GAB1: variants seen among roughly 807,000 people sequenced by gnomAD.
GAB1 encodes GRB2 associated binding protein 1.
A neutral mutation model predicts 66.5 loss-of-function variants in GAB1; 19 were observed. The ratio of observed to expected loss-of-function variants is 0.29; its 90% CI spans 0.20 to 0.42. The LOEUF (loss-of-function observed/expected upper bound fraction) is 0.42. GAB1 is among the 10% of genes least tolerant of loss of function. GAB1 has a pLI of 1.00. For synonymous variants in GAB1, 294 were observed against 301.4 expected (o/e 0.98, Z 0.25); for missense variants, 732 against 858.5 (o/e 0.85, Z 1.84).
intron 1 of GAB1, among the ~76,000 whole-genome samples, chr4:143,415,052 C>G (rs2149717341): frequency 6.6e-6 from 1 of 152,276 alleles, no homozygotes; most frequent in East Asian, 1.9e-4. Flanking sequence ...CTTGAACTAC[C>G]TCATATAAGT....
chr4:143,446,162 A>T (rs943557515), intron 6 of GAB1, among the ~76,000 whole-genome samples: 2 of 152,066 alleles, frequency 1.3e-5, no homozygotes, highest in South Asian at 4.2e-4. Context: ...CATGGTGTAT[A>T]TGTGCCACAT....
intron 1 of GAB1, among the ~76,000 whole-genome samples, chr4:143,379,146 T>C (rs144467754): frequency 6.6e-6 from 1 of 152,332 alleles, no homozygotes; most frequent in African/African-American, 2.4e-5. Flanking sequence ...TTCAGAGTTA[T>C]ATATGTAACA....
intron 2 of GAB1, among the ~76,000 whole-genome samples, chr4:143,419,191 G>A (rs2149723529): frequency 6.6e-6 from 1 of 152,000 alleles, no homozygotes; most frequent in East Asian, 1.9e-4. Flanking sequence ...ATATACATAT[G>A]TATATATAAA....
At chr4:143,446,061 G>C (rs534648418) in intron 6 of GAB1, among the ~76,000 whole-genome samples, 1 of 151,916 alleles carries the variant, frequency 6.6e-6, no homozygotes, top group Admixed American at 6.6e-5. Flanking sequence ...TTTTGTCCTT[G>C]CGATAGTTTA....
intron 6 of GAB1, among the ~76,000 whole-genome samples, chr4:143,458,990 T>C (rs1341801387): frequency 6.6e-6 from 1 of 152,102 alleles, no homozygotes; most frequent in Non-Finnish European, 1.5e-5. Context: ...TGATTTTACA[T>C]AGATGATTAA....
At chr4:143,460,061 G>A (rs529621780) in intron 7 of GAB1, among the ~76,000 whole-genome samples, 2 of 151,924 alleles carry the variant, frequency 1.3e-5, no homozygotes, top group Non-Finnish European at 2.9e-5. Flanking sequence ...TAAAAAAATA[G>A]AAATTCTTAA....
intron 3 of GAB1, among the ~76,000 whole-genome samples, chr4:143,437,305 C>T (rs1369291839): frequency 5.9e-5 from 9 of 152,096 alleles, no homozygotes; most frequent in Admixed American, 2.0e-4. Context: ...TTTTGTGATA[C>T]CTCAAAATGC....
In GAB1 at chr4:143,470,218, CCTTT is replaced by C. The variant is rs1184092926; in HGVS notation, c.*1032_*1035del. The C allele has an allele frequency of 8.6e-5, 13 of 151,994 alleles. No homozygotes were observed. Among genetic ancestry groups the C allele is most frequent in the African/African-American group, 2.9e-4 (12 of 41,454 alleles). The allele number at this position is 151,994 out of a possible 1,614,324, so 9.4% of individuals were successfully genotyped here. On this transcript the variant is annotated 3_prime_UTR_variant, in exon 10 of 10. Coordinates refer to ENST00000262994, the MANE Select transcript of GAB1 (RefSeq NM_002039.4). ...ATTCTGTCTTTTGACACCATAGTGC[CCTTT>C]CTATGATTTTTTTTACTTAATATTC...
intron 1 of GAB1, chr4:143,391,299 G>C (rs967939759): frequency 2.6e-5 from 4 of 152,094 alleles, no homozygotes; most frequent in African/African-American, 9.7e-5. Context: ...TTTATTTTTT[G>C]GAAGGGAGTC....
intron 8 of GAB1, among the ~76,000 whole-genome samples, chr4:143,463,772 G>A (rs1382573913): frequency 6.6e-6 from 1 of 152,136 alleles, no homozygotes; most frequent in African/African-American, 2.4e-5. Flanking sequence ...TGTTCCAGTG[G>A]AGATTAAATC....
chr4:143,399,875 A>G (rs936785205), intron 1 of GAB1, among the ~76,000 whole-genome samples: 16 of 151,232 alleles, frequency 1.1e-4, no homozygotes, highest in Admixed American at 5.3e-4. Flanking sequence ...TGTAATGATG[A>G]TCCCTATAGG....
Position 143,448,242 on chromosome 4 carries a change from T to TA in GAB1, c.1585+7864dup, listed in dbSNP as rs541374398. 4.6e-5 allele frequency among the ~76,000 whole-genome samples: 7 copies of TA among 152,114 alleles called. No individual in the cohort carries two copies. The East Asian group carries it at 1.3e-3, about 29-fold the overall frequency. On this transcript the variant is annotated intron_variant, in intron 6 of 9. Coordinates refer to ENST00000262994, the MANE Select transcript of GAB1 (RefSeq NM_002039.4). The stretch of plus-strand genomic sequence containing the variant: ...TCAATGTTCATCAAGGATATTGATC[T>TA]AAAATTCTCTTTTTTTGGTTGTGTC...
Position 143,346,132 on chromosome 4 carries a change from A to G in GAB1, c.72+8872A>G, listed in dbSNP as rs113749814. On this transcript the variant is annotated intron_variant, in intron 1 of 9. Transcript: ENST00000262994. The stretch of plus-strand genomic sequence containing the variant: ...ATTCATTTCTGCTTCTCTGTGATAT[A>G]AGCCTAGACATCAAAAATCACAAAA... 2.9e-3 allele frequency among the ~76,000 whole-genome samples: 440 copies of G among 152,340 alleles called. 2 individuals carry two copies. Among genetic ancestry groups the G allele is most frequent in the African/African-American group, 9.9e-3 (412 of 41,576 alleles).
Position 143,438,257 on chromosome 4 carries a change from C to G in GAB1, c.852C>G (p.Leu284=), listed in dbSNP as rs1734036687. The change falls in exon 4 of 10, where the codon CTC becomes CTG. Residue 284 remains leucine (L), a synonymous_variant. Transcript: ENST00000262994. The part of the protein sequence containing the change: ...SPSSTEADGE[L]YVFNTPSGTS... ...CAAGTACTGAAGCAGATGGAGAACT[C>G]TATGTTTTTAATACCCCATCTGGGA... 4 of 1,613,908 alleles carry G rather than the reference C, an allele frequency of 2.5e-6. No homozygotes were observed. The highest frequency in any genetic ancestry group is 1.3e-5 in the African/African-American group (1 of 74,892).
At chr4:143,445,764 G>A (rs1472536985) in intron 6 of GAB1, among the ~76,000 whole-genome samples, 1 of 152,018 alleles carries the variant, frequency 6.6e-6, no homozygotes, top group East Asian at 1.9e-4. Flanking sequence ...TTTACATGGT[G>A]AATCACATTT....
chr4:143,373,800 G>T (rs1331508662), intron 1 of GAB1, among the ~76,000 whole-genome samples: 1 of 145,700 alleles, frequency 6.9e-6, no homozygotes, highest in Non-Finnish European at 1.5e-5. Context: ...TTGCACTCCA[G>T]CCTGGGTGAT....
intron 6 of GAB1, among the ~76,000 whole-genome samples, chr4:143,447,045 A>G (rs1156948565): frequency 6.6e-6 from 1 of 152,144 alleles, no homozygotes; most frequent in Non-Finnish European, 1.5e-5. Flanking sequence ...CATTTATTAA[A>G]TGGGGAATCC....
intron 2 of GAB1, chr4:143,425,063 C>T: frequency 1.1e-6 from 1 of 886,482 alleles, no homozygotes; most frequent in Admixed American, 1.8e-5. Context: ...TGTCCAGAGC[C>T]CTTGATGTCC....
At chr4:143,361,262 A>G (rs1037384977) in intron 1 of GAB1, among the ~76,000 whole-genome samples, 2 of 152,178 alleles carry the variant, frequency 1.3e-5, no homozygotes, top group African/African-American at 4.8e-5. Flanking sequence ...GATTACTATT[A>G]AAACAGCATG....
Sources: allele counts gnomAD v4.1 joint callset (sites outside exome capture counted in the v4.1 genomes callset), GRCh38; gene constraint gnomAD v4.1.1; transcripts MANE v1.5; gene names NCBI Gene and HGNC (gene_info 2026-07-23, HGNC 2026-07-21).